PPP6R3: variants seen among roughly 807,000 people sequenced by gnomAD.
PPP6R3 encodes the protein protein phosphatase 6 regulatory subunit 3.
A neutral mutation model predicts 110.7 loss-of-function variants in PPP6R3; 38 were observed. The ratio of observed to expected loss-of-function variants is 0.34; its 90% CI spans 0.26 to 0.45. PPP6R3 has a LOEUF of 0.45. Among genes scored for constraint, PPP6R3 ranks in the 20% least tolerant of loss-of-function variants. PPP6R3 has a pLI of 1.00. For synonymous variants in PPP6R3, 369 were observed against 373.5 expected, an observed-to-expected ratio of 0.99 and a Z score of 0.14; for missense variants, 870 against 1,062.4, an observed-to-expected ratio of 0.82 and a Z score of 2.52.
At chr11:68,545,609 G>A (rs2099346310) in intron 4 of PPP6R3, among the ~76,000 whole-genome samples, 1 of 152,162 alleles carries the variant, frequency 6.6e-6, no homozygotes, top group Non-Finnish European at 1.5e-5. Context: ...TCTAAGTGTG[G>A]TCCCTGAACC....
intron 1 of PPP6R3, among the ~76,000 whole-genome samples, chr11:68,508,818 GGTTGTGTGACAGGGTTA>G (rs2099092850): frequency 6.6e-6 from 1 of 151,606 alleles, no homozygotes; most frequent in African/African-American, 2.4e-5. Flanking sequence ...GACAGGGTTA[GGTTGTGTGACAGGGTTA>G]GGTTGTGTGA....
At chr11:68,606,648 C>G (rs964257071) in intron 22 of PPP6R3, among the ~76,000 whole-genome samples, 3 of 152,022 alleles carry the variant, frequency 2.0e-5, no homozygotes, top group Non-Finnish European at 4.4e-5. Context: ...AAGTTAAATA[C>G]CAATACCAAA....
chr11:68,482,303 A>G (rs1019199665), intron 1 of PPP6R3, among the ~76,000 whole-genome samples: 3 of 151,042 alleles, frequency 2.0e-5, no homozygotes, highest in Non-Finnish European at 4.4e-5. Flanking sequence ...AATCCCAGCT[A>G]CTCAGGAGGC....
At chr11:68,509,868 G>C (rs1222122234) in intron 1 of PPP6R3, among the ~76,000 whole-genome samples, 1 of 147,428 alleles carries the variant, frequency 6.8e-6, no homozygotes, top group East Asian at 2.0e-4. Context: ...TCCTGCCTCT[G>C]CCTCCCGAGT....
At chr11:68,465,421 TG>T (rs1200075391) in intron 1 of PPP6R3, among the ~76,000 whole-genome samples, 1 of 151,920 alleles carries the variant, frequency 6.6e-6, no homozygotes, top group African/African-American at 2.4e-5. Context: ...AGATCTTTTT[TG>T]CTCATATTAA....
At chr11:68,491,199 T>G (rs867763016) in intron 1 of PPP6R3, among the ~76,000 whole-genome samples, 1 of 152,194 alleles carries the variant, frequency 6.6e-6, no homozygotes, top group East Asian at 1.9e-4. Context: ...AAAAAAAAAT[T>G]GCTGGTTTGG....
chr11:68,500,363 C>G (rs1034516111), intron 1 of PPP6R3, among the ~76,000 whole-genome samples: 1 of 151,826 alleles, frequency 6.6e-6, no homozygotes, highest in Admixed American at 6.6e-5. Flanking sequence ...GGACTGGGCT[C>G]TTTTGTTTTG....
At chr11:68,564,241 C>A in intron 8 of PPP6R3, 62 bp from the exon 9 acceptor site, 1 of 1,480,212 alleles carries the variant, frequency 6.8e-7, no homozygotes, top group Non-Finnish European at 9.2e-7. Flanking sequence ...CATACATGGT[C>A]GATAACCTTG....
At chr11:68,556,187 C>T (rs2099398839) in intron 7 of PPP6R3, among the ~76,000 whole-genome samples, 1 of 152,100 alleles carries the variant, frequency 6.6e-6, no homozygotes, top group Admixed American at 6.5e-5. Context: ...GTGTGGACTC[C>T]ACTGTATATA....
chr11:68,547,947 T>A, intron 4 of PPP6R3, 120 bp from the exon 5 acceptor site: 2 of 1,009,630 alleles, frequency 2.0e-6, no homozygotes, highest in Non-Finnish European at 2.8e-6. Context: ...AATTCAGCAT[T>A]TGCCATTTCT....
chr11:68,500,640 G>A (rs2099043792), intron 1 of PPP6R3, among the ~76,000 whole-genome samples: 2 of 152,144 alleles, frequency 1.3e-5, no homozygotes, highest in South Asian at 4.1e-4. Flanking sequence ...ACCACGCCCG[G>A]CTAATTTTTG....
At chr11:68,595,324 T>C (rs1255232092) in intron 18 of PPP6R3, among the ~76,000 whole-genome samples, 1 of 147,620 alleles carries the variant, frequency 6.8e-6, no homozygotes, top group African/African-American at 2.5e-5. Flanking sequence ...CAGGTGATTC[T>C]CCTGCCTCAG....
intron 2 of PPP6R3, among the ~76,000 whole-genome samples, chr11:68,532,624 G>A (rs892703196): frequency 6.6e-5 from 10 of 152,078 alleles, no homozygotes; most frequent in Admixed American, 2.0e-4. Flanking sequence ...AAAAATTCCC[G>A]TCACCTAATG....
chr11:68,582,640 T>C (rs907665772), intron 14 of PPP6R3, among the ~76,000 whole-genome samples: 3 of 152,274 alleles, frequency 2.0e-5, no homozygotes, highest in Admixed American at 6.5e-5. Flanking sequence ...TGGTAATCCC[T>C]GGGGATTGCA....
chr11:68,543,010 A>T (rs1189506874), intron 3 of PPP6R3, among the ~76,000 whole-genome samples: 1 of 152,192 alleles, frequency 6.6e-6, no homozygotes. Flanking sequence ...CCACTCTAGC[A>T]GCATTCTGCC....
intron 1 of PPP6R3, among the ~76,000 whole-genome samples, chr11:68,511,807 T>TGTGTGTGTG (rs1371095088): frequency 5.5e-5 from 8 of 144,538 alleles, no homozygotes; most frequent in Admixed American, 7.0e-5. Flanking sequence ...GTGTGTGTGT[T>TGTGTGTGTG]TTTTAAATGT....
At chr11:68,492,897 T>C (rs1375203269) in intron 1 of PPP6R3, among the ~76,000 whole-genome samples, 1 of 152,220 alleles carries the variant, frequency 6.6e-6, no homozygotes, top group Non-Finnish European at 1.5e-5. Context: ...TGTGTTACTA[T>C]ATTTTCCTGG....
intron 1 of PPP6R3, among the ~76,000 whole-genome samples, chr11:68,486,136 A>G (rs1176123009): frequency 2.6e-5 from 4 of 151,908 alleles, no homozygotes; most frequent in South Asian, 2.1e-4. Context: ...AATTTTTTAT[A>G]TATAATGCTT....
At chr11:68,563,380 T>G (rs1330163426) in intron 8 of PPP6R3, among the ~76,000 whole-genome samples, 3 of 152,198 alleles carry the variant, frequency 2.0e-5, no homozygotes, top group African/African-American at 7.2e-5. Flanking sequence ...CCTTCCCCTC[T>G]GTGTGTCTGT....
Sources: gnomAD v4.1 joint callset for allele counts (sites outside exome capture counted in the v4.1 genomes callset) on GRCh38, gnomAD v4.1.1 for gene constraint, MANE v1.5 for transcripts, NCBI Gene and HGNC (gene_info 2026-07-23, HGNC 2026-07-21) for gene names.